SOX6: variants seen among roughly 807,000 people sequenced by gnomAD.
The protein encoded by SOX6 is SRY-box transcription factor 6, also known as transcription factor SOX-6.
Under a neutral mutation model 97.8 loss-of-function variants are expected in SOX6, and 11 were observed. That is an observed-to-expected ratio of 0.11 (90% CI 0.07 to 0.19). SOX6 has a LOEUF of 0.19. SOX6 is among the 10% of genes least tolerant of loss of function. The probability of loss-of-function intolerance (pLI) is 1.00; values close to 1 mark genes in which losing one functional copy is unlikely to be tolerated. For synonymous variants in SOX6, 360 were observed against 371.4 expected (o/e 0.97, Z 0.35); for missense variants, 810 against 1,039.5 (o/e 0.78, Z 3.04).
At chr11:16,571,979 T>C (rs1178427232) in intron 4 of SOX6, among the ~76,000 whole-genome samples, 1 of 152,188 alleles carries the variant, frequency 6.6e-6, no homozygotes, top group Non-Finnish European at 1.5e-5. Flanking sequence ...TAAACAACTG[T>C]TTTCATGAAT....
chr11:16,012,538 G>A (rs1342022406), intron 13 of SOX6, among the ~76,000 whole-genome samples: 3 of 151,998 alleles, frequency 2.0e-5, no homozygotes, highest in Non-Finnish European at 2.9e-5. Context: ...ATCAGGCACT[G>A]CTGCTATGTG....
chr11:16,204,582 A>C (rs1852025246), intron 4 of SOX6, among the ~76,000 whole-genome samples: 1 of 43,120 alleles, frequency 2.3e-5, no homozygotes, highest in African/African-American at 8.7e-5. Context: ...AAGAAAAAAA[A>C]CAACTTTACT....
chr11:16,224,489 T>G (rs1852627229), intron 4 of SOX6, among the ~76,000 whole-genome samples: 1 of 152,050 alleles, frequency 6.6e-6, no homozygotes, highest in African/African-American at 2.4e-5. Context: ...TAGCTTTTGT[T>G]TGAGTTTTAA....
At chr11:16,353,947 A>G (rs1857013704) in intron 1 of SOX6, among the ~76,000 whole-genome samples, 1 of 152,010 alleles carries the variant, frequency 6.6e-6, no homozygotes, top group Non-Finnish European at 1.5e-5. Context: ...TACATTTATC[A>G]TGCCTAATCT....
At chr11:16,359,146 C>T (rs746465369), upstream of SOX6, among the ~76,000 whole-genome samples, 32 of 151,932 alleles carry the variant, frequency 2.1e-4, no homozygotes, top group Non-Finnish European at 4.0e-4. Context: ...GGATCAGAGA[C>T]ATTACAGAAG....
At chr11:16,134,741 G>C (rs754030698) in intron 6 of SOX6, among the ~76,000 whole-genome samples, 31 of 152,156 alleles carry the variant, frequency 2.0e-4, no homozygotes, top group Non-Finnish European at 7.3e-5. Context: ...CATGCGTTCA[G>C]GCTGCACCAC....
At chr11:16,714,186 T>C (rs1007342458) in intron 3 of SOX6, among the ~76,000 whole-genome samples, 1 of 152,126 alleles carries the variant, frequency 6.6e-6, no homozygotes, top group African/African-American at 2.4e-5. Flanking sequence ...AGCTATCTTA[T>C]AGTTCAAATA....
intron 4 of SOX6, among the ~76,000 whole-genome samples, chr11:16,594,598 A>G (rs1281849968): frequency 6.6e-6 from 1 of 151,928 alleles, no homozygotes; most frequent in Non-Finnish European, 1.5e-5. Flanking sequence ...CCTGAGACTC[A>G]ATTGATTAAT....
intron 3 of SOX6, among the ~76,000 whole-genome samples, chr11:16,708,505 T>C (rs976263955): frequency 1.2e-4 from 18 of 152,220 alleles, no homozygotes; most frequent in African/African-American, 4.3e-4. Context: ...GTAATGAGAT[T>C]CTCTCATTTC....
intron 3 of SOX6, among the ~76,000 whole-genome samples, chr11:16,632,422 T>G (rs2133996636): frequency 6.6e-6 from 1 of 152,232 alleles, no homozygotes; most frequent in Middle Eastern, 3.4e-3. Flanking sequence ...GCTTTTAGCT[T>G]GTCTGGAAAA....
intron 3 of SOX6, among the ~76,000 whole-genome samples, chr11:16,247,371 T>C (rs1853368873): frequency 6.6e-6 from 1 of 152,180 alleles, no homozygotes; most frequent in Non-Finnish European, 1.5e-5. Context: ...CTGCAATAAA[T>C]ATGGAAATGC....
intron 4 of SOX6, among the ~76,000 whole-genome samples, chr11:16,189,388 C>T (rs954299719): frequency 2.6e-5 from 4 of 151,482 alleles, no homozygotes; most frequent in Non-Finnish European, 4.4e-5. Flanking sequence ...AAAAAGAAAA[C>T]GCTATAGGCA....
rs1847679919 is a variant in SOX6 at position 16,051,325 on chromosome 11, AG to A, written c.1252-1388del. ...TCAGAATGACAAAATCGCTTGTCTA[AG>A]GCCATATAACGGGGGAAAGAATTTA... is the stretch of plus-strand genomic sequence containing the variant. On this transcript the variant is annotated intron_variant, in intron 10 of 15. Coordinates refer to ENST00000683767, the MANE Select transcript of SOX6 (RefSeq NM_001367873.1). Among the ~76,000 whole-genome samples, 7 of 152,272 alleles carry A rather than the reference AG, an allele frequency of 4.6e-5. No individual in the cohort carries two copies. In the South Asian group the frequency reaches 1.5e-3, roughly 32 times the overall value.
chr11:16,197,265 T>TG (rs1399671899), intron 4 of SOX6, among the ~76,000 whole-genome samples: 5 of 152,356 alleles, frequency 3.3e-5, no homozygotes, highest in Non-Finnish European at 7.3e-5. Flanking sequence ...ATGTTTTTTC[T>TG]GTGTTGTCTG....
At chr11:16,076,495 A>C (rs78511065) in intron 9 of SOX6, among the ~76,000 whole-genome samples, 2 of 151,932 alleles carry the variant, frequency 1.3e-5, no homozygotes, top group African/African-American at 4.8e-5. Flanking sequence ...GCCAATAAGC[A>C]TGTAACAAAA....
At chr11:16,526,617 A>G (rs963344099) in intron 4 of SOX6, among the ~76,000 whole-genome samples, 1 of 152,156 alleles carries the variant, frequency 6.6e-6, no homozygotes, top group Non-Finnish European at 1.5e-5. Flanking sequence ...CATGTACCCT[A>G]AAACTTAAAG....
chr11:16,090,546 C>A (rs577761842), intron 9 of SOX6, among the ~76,000 whole-genome samples: 1 of 151,994 alleles, frequency 6.6e-6, no homozygotes, highest in African/African-American at 2.4e-5. Context: ...CACTTGATAC[C>A]TGCACTTTTT....
chr11:16,249,264 G>T (rs752926528), intron 3 of SOX6, among the ~76,000 whole-genome samples: 2 of 151,954 alleles, frequency 1.3e-5, no homozygotes, highest in Non-Finnish European at 2.9e-5. Context: ...ACACTTGGCC[G>T]CTTAGAAATT....
chr11:16,634,229 C>T lies in SOX6; in HGVS notation n.430-21969G>A, dbSNP rs564619455. On this transcript the variant is annotated intron_variant and non_coding_transcript_variant, in intron 3 of 5. Transcript: ENST00000524520. The stretch of plus-strand genomic sequence containing the variant: ...TAGGACTGGAAAATAAAAAATCTAA[C>T]ATAAAGTTCATTATATGAACATAGT... Among the ~76,000 whole-genome samples the T allele has an allele frequency of 4.0e-5, 6 of 151,134 alleles. No individual in the cohort carries two copies. In the South Asian group the frequency reaches 1.3e-3, roughly 32 times the overall value.
Sources: gnomAD v4.1 joint callset for allele counts (sites outside exome capture counted in the v4.1 genomes callset) on GRCh38, gnomAD v4.1.1 for gene constraint, MANE v1.5 for transcripts, NCBI Gene and HGNC (gene_info 2026-07-23, HGNC 2026-07-21) for gene names.